The following NOS1AP variants were observed in gnomAD, a reference collection of about 807,000 sequenced individuals.
NOS1AP encodes carboxyl-terminal PDZ ligand of neuronal nitric oxide synthase protein.
NOS1AP carries 21 observed loss-of-function variants against 56.2 expected under a neutral mutation model. The ratio of observed to expected loss-of-function variants is 0.37; its 90% CI spans 0.26 to 0.54. NOS1AP has a LOEUF of 0.54. Ranked by LOEUF, NOS1AP falls within the 20% of genes least tolerant of loss-of-function variation. The probability of loss-of-function intolerance (pLI) is 0.84; values close to 1 mark genes in which losing one functional copy is unlikely to be tolerated. For synonymous variants in NOS1AP, 270 were observed against 274.6 expected, an observed-to-expected ratio of 0.98 and a Z score of 0.17; for missense variants, 522 against 657.8, an observed-to-expected ratio of 0.79 and a Z score of 2.26.
chr1:162,086,540 GGT>G, intron 1 of NOS1AP, among the ~76,000 whole-genome samples: 1 of 152,206 alleles, frequency 6.6e-6, no homozygotes, highest in East Asian at 1.9e-4. Context: ...ACACCTTATA[GGT>G]GTGCCATTGG....
intron 4 of NOS1AP, among the ~76,000 whole-genome samples, chr1:162,314,657 G>A (rs1453218077): frequency 6.6e-6 from 1 of 152,166 alleles, no homozygotes; most frequent in East Asian, 1.9e-4. Flanking sequence ...TCCATCAGAT[G>A]GTCTTGACCT....
intron 2 of NOS1AP, among the ~76,000 whole-genome samples, chr1:162,218,214 A>G (rs1003086032): frequency 6.6e-6 from 1 of 152,204 alleles, no homozygotes; most frequent in Non-Finnish European, 1.5e-5. Flanking sequence ...AAAATTTGAA[A>G]AACACTGCTC....
intron 2 of NOS1AP, among the ~76,000 whole-genome samples, chr1:162,203,811 C>A (rs925299568): frequency 6.6e-6 from 1 of 152,194 alleles, no homozygotes; most frequent in Non-Finnish European, 1.5e-5. Context: ...TCCCATCCAG[C>A]AGGGCCCCAG....
intron 6 of NOS1AP, among the ~76,000 whole-genome samples, chr1:162,354,768 G>A (rs947671087): frequency 2.6e-5 from 4 of 152,068 alleles, no homozygotes; most frequent in African/African-American, 9.7e-5. Context: ...GAGAGTGAGG[G>A]GATTTGCTTC....
At chr1:162,222,711 T>C (rs1013452770) in intron 2 of NOS1AP, among the ~76,000 whole-genome samples, 2 of 152,260 alleles carry the variant, frequency 1.3e-5, no homozygotes, top group African/African-American at 2.4e-5. Context: ...AGTTGTACTA[T>C]ATTTTACCTT....
At chr1:162,155,321 T>A (rs1358954974) in intron 2 of NOS1AP, among the ~76,000 whole-genome samples, 1 of 146,174 alleles carries the variant, frequency 6.8e-6, no homozygotes, top group African/African-American at 2.5e-5. Flanking sequence ...TATATATATA[T>A]GTATGTGTAT....
At chr1:162,124,082 T>C (rs1405230750) in intron 1 of NOS1AP, among the ~76,000 whole-genome samples, 1 of 152,214 alleles carries the variant, frequency 6.6e-6, no homozygotes, top group African/African-American at 2.4e-5. Context: ...CTCTTTAGTC[T>C]TCTTTAATGT....
intron 2 of NOS1AP, among the ~76,000 whole-genome samples, chr1:162,259,063 G>T (rs536198272): frequency 6.6e-6 from 1 of 152,218 alleles, no homozygotes; most frequent in South Asian, 2.1e-4. Context: ...AAGACAACCT[G>T]CGGCCTCCAA....
At chr1:162,289,442 C>T (rs1001184881) in intron 3 of NOS1AP, among the ~76,000 whole-genome samples, 6 of 149,158 alleles carry the variant, frequency 4.0e-5, no homozygotes, top group South Asian at 2.2e-4. Context: ...TGATTACTGG[C>T]GCCTGCCACC....
chr1:162,355,114 A>G (rs1302913251), intron 6 of NOS1AP, 73 bp from the exon 7 acceptor site: 178 of 1,561,002 alleles, frequency 1.1e-4, no homozygotes, highest in Non-Finnish European at 1.5e-4. Context: ...CCTGAAAGCT[A>G]AAGTATTAGG....
chr1:162,187,410 T>A (rs1651478283), intron 2 of NOS1AP, among the ~76,000 whole-genome samples: 1 of 152,204 alleles, frequency 6.6e-6, no homozygotes, highest in Non-Finnish European at 1.5e-5. Context: ...TTTAACCAGA[T>A]CCCATTTTTT....
intron 2 of NOS1AP, among the ~76,000 whole-genome samples, chr1:162,207,292 C>A (rs1298147802): frequency 6.6e-6 from 1 of 152,194 alleles, no homozygotes; most frequent in African/African-American, 2.4e-5. Context: ...CCTTAGAAAC[C>A]CTTGTAAAAT....
intron 2 of NOS1AP, among the ~76,000 whole-genome samples, chr1:162,197,170 AG>A (rs753942735): frequency 2.0e-5 from 3 of 152,224 alleles, no homozygotes; most frequent in Non-Finnish European, 4.4e-5. Flanking sequence ...GGTGTTGCAT[AG>A]TAAATAATCA....
intron 2 of NOS1AP, among the ~76,000 whole-genome samples, chr1:162,252,873 TCAG>T (rs1487315434): frequency 3.9e-5 from 6 of 152,230 alleles, no homozygotes; most frequent in Non-Finnish European, 8.8e-5. Context: ...AACTGTATGT[TCAG>T]CAGCTATTGT....
intron 1 of NOS1AP, among the ~76,000 whole-genome samples, chr1:162,081,749 T>TAG (rs1558090522): frequency 3.1e-5 from 2 of 65,380 alleles, no homozygotes; most frequent in African/African-American, 9.6e-5. Context: ...TATATCTATA[T>TAG]CTATAGATAT....
chr1:162,311,658 T>C (rs1352039689), intron 4 of NOS1AP, among the ~76,000 whole-genome samples: 2 of 150,946 alleles, frequency 1.3e-5, no homozygotes, highest in Non-Finnish European at 3.0e-5. Flanking sequence ...TGTATACATA[T>C]GCCATGCTGG....
At chr1:162,204,714 T>C (rs1001375615) in intron 2 of NOS1AP, among the ~76,000 whole-genome samples, 2 of 152,228 alleles carry the variant, frequency 1.3e-5, no homozygotes, top group Non-Finnish European at 2.9e-5. Context: ...TTTGCGTAGT[T>C]TTCAAAATGG....
At chr1:162,132,949 C>T (rs1648815603) in intron 1 of NOS1AP, among the ~76,000 whole-genome samples, 1 of 152,206 alleles carries the variant, frequency 6.6e-6, no homozygotes, top group African/African-American at 2.4e-5. Context: ...CAGAGCTATA[C>T]ACTTACTTGT....
At chr1:162,279,624 CAT>C (rs1654854309) in intron 2 of NOS1AP, among the ~76,000 whole-genome samples, 2 of 152,346 alleles carry the variant, frequency 1.3e-5, no homozygotes, top group Admixed American at 1.3e-4. Flanking sequence ...ACGTTATTGA[CAT>C]GTGTCCCTGG....
Sources: allele counts gnomAD v4.1 joint callset (sites outside exome capture counted in the v4.1 genomes callset), GRCh38; gene constraint gnomAD v4.1.1; transcripts MANE v1.5; gene names NCBI Gene and HGNC (gene_info 2026-07-23, HGNC 2026-07-21).